The following THSD4 variants were observed in gnomAD, a reference collection of about 807,000 sequenced individuals.
The protein encoded by THSD4 is thrombospondin type-1 domain-containing protein 4.
In THSD4, 69 loss-of-function variants were observed where a neutral mutation model predicts 119.0. That is an observed-to-expected ratio of 0.58 (90% confidence interval 0.48 to 0.71). THSD4 has a LOEUF of 0.71. Ranked by LOEUF, THSD4 falls within the 30% of genes least tolerant of loss-of-function variation. The pLI is 0.00. For synonymous variants in THSD4, 524 were observed against 540.4 expected (o/e 0.97, Z 0.42); for missense variants, 1,393 against 1,391.1 (o/e 1.00, Z -0.02).
At chr15:71,167,318 G>A (rs1243679000) in intron 3 of THSD4, 2 of 152,216 alleles carry the variant, frequency 1.3e-5, no homozygotes, top group African/African-American at 4.8e-5. Flanking sequence ...CTCTGCTTTT[G>A]TAGCACAAAG....
chr15:71,497,740 GTC>G (rs2048047371), intron 7 of THSD4, among the ~76,000 whole-genome samples: 1 of 152,100 alleles, frequency 6.6e-6, no homozygotes, highest in Non-Finnish European at 1.5e-5. Flanking sequence ...GACCACTGTA[GTC>G]TCTGTTAGAA....
rs556196734 is a variant in THSD4, at chr15:71,627,377, G to A, written c.1153-33153G>A. Among the ~76,000 whole-genome samples the A allele has an allele frequency of 1.2e-4, 19 of 152,312 alleles. No homozygotes were observed. In the East Asian group the frequency reaches 3.7e-3, roughly 29 times the overall value. ...CATTGGCTTTTGATCAGTGACTTGA[G>A]CCCCAGGCATCAAAGGGCCAGTGCT... On this transcript the variant is annotated intron_variant, in intron 7 of 17. Coordinates refer to ENST00000261862, the MANE Select transcript of THSD4 (RefSeq NM_024817.3).
chr15:71,184,634 G>A (rs1490436167), intron 3 of THSD4, among the ~76,000 whole-genome samples: 1 of 151,744 alleles, frequency 6.6e-6, no homozygotes, highest in South Asian at 2.1e-4. Context: ...TTTAAACCCA[G>A]GCATCTGGCT....
chr15:71,344,443 G>C (rs1279410709), intron 6 of THSD4, among the ~76,000 whole-genome samples: 1 of 152,100 alleles, frequency 6.6e-6, no homozygotes, highest in Non-Finnish European at 1.5e-5. Context: ...GGAGAAGGGA[G>C]GGCACCATTC....
chr15:71,463,846 G>A lies in THSD4; in HGVS notation c.1152+52023G>A, dbSNP rs148673500. 5.7e-3 allele frequency among the ~76,000 whole-genome samples: 866 copies of A among 152,208 alleles called. 8 individuals are homozygous for A. The highest frequency in any genetic ancestry group is 0.02 in the African/African-American group (825 of 41,508). ...TCTTTTAGCCTCATTTGTCTACTCT[G>A]TACCATCCTTCTACCATCAGGATCA... On this transcript the variant is annotated intron_variant, in intron 7 of 17. Transcript: ENST00000261862.
intron 7 of THSD4, among the ~76,000 whole-genome samples, chr15:71,471,993 C>T (rs2047587307): frequency 6.6e-6 from 1 of 152,180 alleles, no homozygotes; most frequent in South Asian, 2.1e-4. Context: ...TGGCTCACTA[C>T]AGCCTCAACC....
At chr15:71,324,326 A>C (rs139545215) in intron 6 of THSD4, among the ~76,000 whole-genome samples, 78 of 152,206 alleles carry the variant, frequency 5.1e-4, no homozygotes, top group Non-Finnish European at 1.0e-3. Flanking sequence ...TTATTTCAAT[A>C]GCTTTTGGAG....
chr15:71,414,681 G>T (rs2046735657), intron 7 of THSD4, among the ~76,000 whole-genome samples: 1 of 152,166 alleles, frequency 6.6e-6, no homozygotes, highest in Admixed American at 6.5e-5. Context: ...TGATATAAAA[G>T]AAAAGCAAAC....
At chr15:71,624,966 A>G (rs2050481235) in intron 7 of THSD4, among the ~76,000 whole-genome samples, 1 of 151,720 alleles carries the variant, frequency 6.6e-6, no homozygotes, top group Admixed American at 6.6e-5. Context: ...ATTTTTTTCT[A>G]GTGGGCCAGT....
intron 3 of THSD4, among the ~76,000 whole-genome samples, chr15:71,172,880 A>T (rs1187396120): frequency 2.5e-4 from 38 of 151,614 alleles, no homozygotes; most frequent in Non-Finnish European, 1.5e-5. Context: ...ACAATCTAAG[A>T]ATAGAAGGAA....
intron 8 of THSD4, among the ~76,000 whole-genome samples, chr15:71,696,434 T>A (rs1316555880): frequency 1.3e-5 from 2 of 152,176 alleles, no homozygotes; most frequent in African/African-American, 4.8e-5. Context: ...AACAAAGCCA[T>A]TCCTGAGGGA....
intron 7 of THSD4, among the ~76,000 whole-genome samples, chr15:71,524,300 G>A (rs566808395): frequency 2.3e-4 from 35 of 152,320 alleles, no homozygotes; most frequent in African/African-American, 8.2e-4. Flanking sequence ...TTTGCACAGT[G>A]ACGCTCTGAC....
chr15:71,489,665 T>TA (rs559066874), intron 7 of THSD4, among the ~76,000 whole-genome samples: 1 of 152,094 alleles, frequency 6.6e-6, no homozygotes, highest in Non-Finnish European at 1.5e-5. Context: ...TTGTAACCCT[T>TA]AAAAAAAATT....
intron 7 of THSD4, among the ~76,000 whole-genome samples, chr15:71,560,239 T>G (rs1000089301): frequency 6.6e-6 from 1 of 152,236 alleles, no homozygotes; most frequent in Non-Finnish European, 1.5e-5. Context: ...TATATCAGAA[T>G]GTATTGAATT....
chr15:71,557,070 A>G (rs1453864031), intron 7 of THSD4, among the ~76,000 whole-genome samples: 2 of 152,196 alleles, frequency 1.3e-5, no homozygotes, highest in African/African-American at 4.8e-5. Context: ...GATTTGCTCA[A>G]GAGAACACTT....
chr15:71,675,548 C>T lies in THSD4; in HGVS notation c.1357+14814C>T, dbSNP rs113410053. 3.8e-3 allele frequency among the ~76,000 whole-genome samples: 575 copies of T among 152,224 alleles called. 3 individuals carry two copies. The highest frequency in any genetic ancestry group is 6.8e-3 in the Non-Finnish European group (464 of 68,004). ...TGAGGCCCATGCATGGTGTGCAGCC[C>T]GTGTGGGGGTTCTGTGCTCAGACAT... On this transcript the variant is annotated intron_variant, in intron 8 of 17. Coordinates refer to ENST00000261862, the MANE Select transcript of THSD4 (RefSeq NM_024817.3).
intron 7 of THSD4, among the ~76,000 whole-genome samples, chr15:71,539,721 T>C (rs1176086267): frequency 6.6e-6 from 1 of 152,220 alleles, no homozygotes. Flanking sequence ...TTCTGGTATC[T>C]AAGATGAACC....
intron 7 of THSD4, among the ~76,000 whole-genome samples, chr15:71,609,724 C>T (rs912435432): frequency 3.3e-5 from 5 of 151,900 alleles, no homozygotes; most frequent in African/African-American, 1.2e-4. Context: ...TGGTGGCAGG[C>T]GCCTATAGTC....
intron 6 of THSD4, among the ~76,000 whole-genome samples, chr15:71,339,726 A>G (rs1281224032): frequency 6.6e-6 from 1 of 152,134 alleles, no homozygotes; most frequent in Non-Finnish European, 1.5e-5. Context: ...TGAGGATTAA[A>G]TGGTAAATAT....
Sources: allele counts gnomAD v4.1 joint callset (sites outside exome capture counted in the v4.1 genomes callset), GRCh38; gene constraint gnomAD v4.1.1; transcripts MANE v1.5; gene names NCBI Gene and HGNC (gene_info 2026-07-23, HGNC 2026-07-21).